The following SNAP47 variants were observed in gnomAD, a reference collection of about 807,000 sequenced individuals.
The protein encoded by SNAP47 is synaptosome associated protein 47, also known as synaptosomal-associated protein 47.
A neutral mutation model predicts 31.4 loss-of-function variants in SNAP47; 20 were observed. The observed-to-expected ratio is 0.64, with a 90% CI of 0.45 to 0.93. SNAP47 has a LOEUF of 0.93. Among genes scored for constraint, SNAP47 ranks in the 40% least tolerant of loss-of-function variants. SNAP47 has a pLI of 0.00. For missense variants in SNAP47, 492 were observed against 528.5 expected (o/e 0.93, Z 0.68); for synonymous variants, 194 against 213.4 (o/e 0.91, Z 0.79).
upstream of SNAP47, chr1:227,730,971 G>T (rs1348592239): frequency 6.6e-6 from 1 of 152,324 alleles, no homozygotes; most frequent in Non-Finnish European, 1.5e-5. Flanking sequence ...CTAAATGGGT[G>T]AGCCACGCCC....
At chr1:227,747,180 C>T (rs1342372535) in intron 1 of SNAP47, 2 of 153,874 alleles carry the variant, frequency 1.3e-5, no homozygotes, top group African/African-American at 4.8e-5. Flanking sequence ...ATTGTTTTCT[C>T]TATGCAATGA....
intron 1 of SNAP47, among the ~76,000 whole-genome samples, chr1:227,736,680 G>GTTTTTTTTTT (rs1558187372): frequency 1.6e-5 from 2 of 126,514 alleles, no homozygotes; most frequent in African/African-American, 6.4e-5. Flanking sequence ...TTGTTTTTTT[G>GTTTTTTTTTT]TTTTTGTTTT....
chr1:227,764,297 G>A lies in SNAP47; in HGVS notation c.989-2662G>A, dbSNP rs927271267. The stretch of plus-strand genomic sequence containing the variant: ...CAGCCTCACCAGGATCCCAGCCACC[G>A]CGCCCAGCAGAAACATCCATGGCTT... On this transcript the variant is annotated intron_variant, in intron 3 of 4. Coordinates refer to ENST00000617596, the MANE Select transcript of SNAP47 (RefSeq NM_053052.4). Among the ~76,000 whole-genome samples the A allele has an allele frequency of 2.0e-5, 3 of 152,186 alleles. No individual in the cohort carries two copies. In the South Asian group the frequency reaches 6.2e-4, roughly 31 times the overall value.
At chr1:227,732,411 T>C (rs1173373257), upstream of SNAP47, 3 of 1,612,738 alleles carry the variant, frequency 1.9e-6, no homozygotes, top group Non-Finnish European at 2.5e-6. Context: ...CGCAGCAGCA[T>C]CAACAGCCTC....
chr1:227,768,289 CTG>C (rs952542269), intron 4 of SNAP47: 1 of 985,356 alleles, frequency 1.0e-6, no homozygotes, highest in Non-Finnish European at 1.2e-6. Context: ...TGGGCTGAGA[CTG>C]TGCACTTTGG....
chr1:227,774,797 G>T (rs1473926439), intron 4 of SNAP47, among the ~76,000 whole-genome samples: 1 of 152,226 alleles, frequency 6.6e-6, no homozygotes, highest in Non-Finnish European at 1.5e-5. Context: ...ACCTTCAGTG[G>T]CACTCAGTTC....
chr1:227,742,891 G>A (rs1470305820), intron 1 of SNAP47, among the ~76,000 whole-genome samples: 1 of 152,242 alleles, frequency 6.6e-6, no homozygotes, highest in Non-Finnish European at 1.5e-5. Flanking sequence ...TCCAGAGCCT[G>A]CTGGGTGGCC....
chr1:227,735,934 T>G (rs1306769194), intron 1 of SNAP47, among the ~76,000 whole-genome samples: 2 of 91,430 alleles, frequency 2.2e-5, no homozygotes, highest in Admixed American at 1.0e-4. Flanking sequence ...AGGGGATGGG[T>G]ACAGTGGGGA....
At chr1:227,740,472 G>C (rs1171818407) in intron 1 of SNAP47, among the ~76,000 whole-genome samples, 1 of 152,172 alleles carries the variant, frequency 6.6e-6, no homozygotes, top group Non-Finnish European at 1.5e-5. Flanking sequence ...GAGGGAGGGA[G>C]GACTGCCTTG....
At chr1:227,734,115 A>C, upstream of SNAP47, 1 of 1,488,010 alleles carries the variant, frequency 6.7e-7, no homozygotes, top group Non-Finnish European at 9.1e-7. Context: ...AACTGAGACC[A>C]ATCGGCTCCA....
chr1:227,737,530 A>T (rs1426102558), intron 1 of SNAP47, among the ~76,000 whole-genome samples: 1 of 152,172 alleles, frequency 6.6e-6, no homozygotes, highest in Non-Finnish European at 1.5e-5. Flanking sequence ...CCTAAGCGGG[A>T]GAGGGGCACC....
intron 3 of SNAP47, among the ~76,000 whole-genome samples, chr1:227,764,497 G>A (rs571043428): frequency 1.3e-5 from 2 of 152,312 alleles, no homozygotes; most frequent in African/African-American, 4.8e-5. Context: ...GGCTGGGCAC[G>A]GTGGTTCATG....
upstream of SNAP47, chr1:227,731,466 C>G (rs763707047): frequency 1.3e-5 from 2 of 152,324 alleles, no homozygotes; most frequent in Non-Finnish European, 2.9e-5. Flanking sequence ...ATGCTGGACT[C>G]TCGGTCAAGG....
At chr1:227,780,255 G>C (rs1391302724) in intron 4 of SNAP47, among the ~76,000 whole-genome samples, 1 of 152,180 alleles carries the variant, frequency 6.6e-6, no homozygotes, top group Non-Finnish European at 1.5e-5. Flanking sequence ...GAGATGGCAG[G>C]CCAGGGTGTG....
At chr1:227,758,961 G>T in intron 2 of SNAP47, 34 bp from the exon 3 acceptor site, 1 of 1,550,274 alleles carries the variant, frequency 6.5e-7, no homozygotes, top group South Asian at 1.2e-5. Context: ...AAAATGAACT[G>T]ATCCAGTTTT....
rs1413458811 is a variant in SNAP47 at position 227,781,023 on chromosome 1, AC to A, written c.*351del. The A allele has an allele frequency of 4.1e-6, 1 of 245,988 alleles. No homozygotes were observed. Among genetic ancestry groups the A allele is most frequent in the Non-Finnish European group, 7.9e-6 (1 of 127,384 alleles). The allele number at this position is 245,988 out of a possible 1,614,324, so 15.2% of individuals were successfully genotyped here. A position where few individuals can be genotyped will look rare whatever the true frequency, so the allele number is the denominator to read the frequency against. ...TGGACAGACTGGCCTTCTTAGCTGT[AC>A]TATAAATTTGTGAGTGAAGTTAGAG... On this transcript the variant is annotated 3_prime_UTR_variant, in exon 5 of 5. Coordinates refer to ENST00000617596, the MANE Select transcript of SNAP47 (RefSeq NM_053052.4).
chr1:227,732,574 C>A, upstream of SNAP47: 1 of 1,613,524 alleles, frequency 6.2e-7, no homozygotes, highest in Non-Finnish European at 8.5e-7. Flanking sequence ...GCACCGTCCT[C>A]AGCGGCTGCC....
upstream of SNAP47, among the ~76,000 whole-genome samples, chr1:227,730,043 G>A (rs1660541390): frequency 6.6e-6 from 1 of 152,182 alleles, no homozygotes; most frequent in Non-Finnish European, 1.5e-5. Flanking sequence ...CTCCCACGTA[G>A]CCTTAGGTCT....
rs79675523 is a variant in SNAP47, at chr1:227,749,905, A to G, written c.497+1672A>G. Among the ~76,000 whole-genome samples, 1,318 of 152,320 alleles carry G rather than the reference A, an allele frequency of 8.7e-3. 25 individuals carry two copies. The highest frequency in any genetic ancestry group is 0.03 in the African/African-American group (1,267 of 41,562). ...CAATTACTTTTATTATTTCTTGAAA[A>G]GTCATTTTGAAGCGTGTTGTTTCTC... is the stretch of plus-strand genomic sequence containing the variant. On this transcript the variant is annotated intron_variant, in intron 2 of 4. Coordinates refer to ENST00000617596, the MANE Select transcript of SNAP47 (RefSeq NM_053052.4).
Sources: gnomAD v4.1 joint callset for allele counts (sites outside exome capture counted in the v4.1 genomes callset) on GRCh38, gnomAD v4.1.1 for gene constraint, MANE v1.5 for transcripts, NCBI Gene and HGNC (gene_info 2026-07-23, HGNC 2026-07-21) for gene names.